Variants in SNTB1 observed in about 807,000 individuals in gnomAD.
The protein encoded by SNTB1 is beta-1-syntrophin.
Under a neutral mutation model 48.9 loss-of-function variants are expected in SNTB1, and 36 were observed. That is an observed-to-expected ratio of 0.74 (90% confidence interval 0.56 to 0.97). SNTB1 has a LOEUF of 0.97. SNTB1 is among the 50% of genes least tolerant of loss of function. The pLI is 0.00. For synonymous variants in SNTB1, 299 were observed against 294.6 expected (o/e 1.01, Z -0.15); for missense variants, 786 against 703.4 (o/e 1.12, Z -1.33).
Position 120,667,456 on chromosome 8 carries a change from G to C in SNTB1, c.788+26236C>G, listed in dbSNP as rs2129771681. ...TTTGTTTAGGACACAAAAAGATACA[G>C]GAGGAGAAAATTTCCCAGAGTCTTA... On this transcript the variant is annotated intron_variant, in intron 2 of 6. Transcript: ENST00000517992. Among the ~76,000 whole-genome samples the C allele has an allele frequency of 2.0e-5, 3 of 152,322 alleles. 1 individual carries two copies. The East Asian group carries it at 5.8e-4, about 29-fold the overall frequency.
At chr8:120,641,630 T>C (rs1817198163) in intron 2 of SNTB1, among the ~76,000 whole-genome samples, 2 of 152,250 alleles carry the variant, frequency 1.3e-5, no homozygotes, top group African/African-American at 4.8e-5. Flanking sequence ...ATTATTAATT[T>C]TTAAGTAAAC....
intron 3 of SNTB1, among the ~76,000 whole-genome samples, chr8:120,599,750 T>G (rs1816392242): frequency 6.6e-6 from 1 of 152,236 alleles, no homozygotes; most frequent in African/African-American, 2.4e-5. Flanking sequence ...TAACTGTTTT[T>G]TTAAAATGAT....
At chr8:120,659,150 G>T (rs1817546680) in intron 2 of SNTB1, among the ~76,000 whole-genome samples, 2 of 152,060 alleles carry the variant, frequency 1.3e-5, no homozygotes, top group Admixed American at 1.3e-4. Flanking sequence ...TTTTAGTAGA[G>T]ACAGGGTTTC....
chr8:120,607,120 C>CA, intron 3 of SNTB1, among the ~76,000 whole-genome samples: 1 of 151,850 alleles, frequency 6.6e-6, no homozygotes, highest in Non-Finnish European at 1.5e-5. Flanking sequence ...TTTACATAAA[C>CA]AAAAAACATT....
chr8:120,539,296 C>T (rs1016851906), intron 6 of SNTB1, among the ~76,000 whole-genome samples: 1 of 51,244 alleles, frequency 2.0e-5, no homozygotes, highest in Non-Finnish European at 3.2e-5. Context: ...GGATTTGACA[C>T]AGTATGAAGC....
intron 1 of SNTB1, among the ~76,000 whole-genome samples, chr8:120,718,418 G>A (rs1818599424): frequency 6.6e-6 from 1 of 152,222 alleles, no homozygotes; most frequent in Admixed American, 6.5e-5. Context: ...GAGGGGATGG[G>A]CTTCAGGCCA....
intron 1 of SNTB1, among the ~76,000 whole-genome samples, chr8:120,701,830 T>C (rs771554677): frequency 1.2e-4 from 19 of 152,198 alleles, no homozygotes; most frequent in East Asian, 1.9e-4. Flanking sequence ...GGAGAGGGGA[T>C]TGAGTTTTAA....
At chr8:120,774,918 T>C (rs559011054) in intron 1 of SNTB1, among the ~76,000 whole-genome samples, 454 of 152,120 alleles carry the variant, frequency 3.0e-3, no homozygotes, top group Non-Finnish European at 5.1e-3. Context: ...CCTCCCCAAG[T>C]GCTGAGATTA....
At chr8:120,808,403 G>A (rs1587180682) in intron 1 of SNTB1, among the ~76,000 whole-genome samples, 1 of 152,112 alleles carries the variant, frequency 6.6e-6, no homozygotes, top group African/African-American at 2.4e-5. Flanking sequence ...TAACTCCTCT[G>A]GTCTCACAGG....
At chr8:120,542,472 G>A (rs1586985368) in intron 5 of SNTB1, among the ~76,000 whole-genome samples, 1 of 152,090 alleles carries the variant, frequency 6.6e-6, no homozygotes, top group East Asian at 1.9e-4. Flanking sequence ...TGGCCAATAT[G>A]GTGCAACCCC....
intron 4 of SNTB1, among the ~76,000 whole-genome samples, chr8:120,552,988 G>A (rs1815506761): frequency 6.6e-6 from 1 of 152,114 alleles, no homozygotes; most frequent in Admixed American, 6.6e-5. Flanking sequence ...TAACGCTGCA[G>A]CTGATCTGAC....
chr8:120,800,110 T>C (rs1378471878), intron 1 of SNTB1, among the ~76,000 whole-genome samples: 1 of 152,016 alleles, frequency 6.6e-6, no homozygotes, highest in African/African-American at 2.4e-5. Flanking sequence ...TTGTAAAACA[T>C]TCCCTGGCAT....
At chr8:120,704,705 G>T (rs1345223544) in intron 1 of SNTB1, among the ~76,000 whole-genome samples, 1 of 151,978 alleles carries the variant, frequency 6.6e-6, no homozygotes, top group Non-Finnish European at 1.5e-5. Context: ...AATAGGTGTT[G>T]GTTTTATTAC....
intron 1 of SNTB1, among the ~76,000 whole-genome samples, chr8:120,723,491 G>A (rs904494842): frequency 2.6e-5 from 4 of 152,118 alleles, no homozygotes; most frequent in Non-Finnish European, 5.9e-5. Context: ...ATTTCCAAAT[G>A]CACAAAGTAA....
intron 2 of SNTB1, among the ~76,000 whole-genome samples, chr8:120,667,928 G>T (rs759368271): frequency 1.3e-5 from 2 of 152,132 alleles, no homozygotes; most frequent in African/African-American, 2.4e-5. Context: ...AGTCCCACTG[G>T]CAGGACAGGC....
chr8:120,553,818 T>C (rs1815521287), intron 4 of SNTB1, among the ~76,000 whole-genome samples: 1 of 152,114 alleles, frequency 6.6e-6, no homozygotes, highest in South Asian at 2.1e-4. Context: ...ACTAATATGG[T>C]GAAACCACGT....
intron 3 of SNTB1, among the ~76,000 whole-genome samples, chr8:120,587,089 C>T (rs1351157974): frequency 2.0e-5 from 3 of 152,082 alleles, no homozygotes; most frequent in Non-Finnish European, 2.9e-5. Context: ...GGCGTGGTAG[C>T]GCGTGCCTGT....
chr8:120,748,581 A>G (rs1819163346), intron 1 of SNTB1, among the ~76,000 whole-genome samples: 1 of 152,196 alleles, frequency 6.6e-6, no homozygotes, highest in African/African-American at 2.4e-5. Context: ...TGTATGTTAT[A>G]AAGCTGCCCA....
intron 1 of SNTB1, among the ~76,000 whole-genome samples, chr8:120,752,156 G>C (rs1057224899): frequency 6.6e-6 from 1 of 152,028 alleles, no homozygotes; most frequent in Non-Finnish European, 1.5e-5. Context: ...AGGTGTATGT[G>C]GTTCATTAGG....
Sources: allele counts gnomAD v4.1 joint callset (sites outside exome capture counted in the v4.1 genomes callset), GRCh38; gene constraint gnomAD v4.1.1; transcripts MANE v1.5; gene names NCBI Gene and HGNC (gene_info 2026-07-23, HGNC 2026-07-21).